Variants in GPHN observed in about 807,000 individuals in gnomAD.
The protein encoded by GPHN is gephyrin.
Under a neutral mutation model 95.5 loss-of-function variants are expected in GPHN, and 17 were observed. The ratio of observed to expected loss-of-function variants is 0.18; its 90% CI spans 0.12 to 0.27. The LOEUF is 0.27. Among genes scored for constraint, GPHN ranks in the 10% least tolerant of loss-of-function variants. The pLI, the probability that GPHN is intolerant of heterozygous loss-of-function variation, is 1.00. For missense variants in GPHN, 660 were observed against 978.1 expected, an observed-to-expected ratio of 0.67 and a Z score of 4.34; for synonymous variants, 320 against 322.5, an observed-to-expected ratio of 0.99 and a Z score of 0.08.
chr14:66,723,680 A>C (rs2070963201), intron 2 of GPHN, among the ~76,000 whole-genome samples: 1 of 152,154 alleles, frequency 6.6e-6, no homozygotes, highest in South Asian at 2.1e-4. Context: ...GAGATAGCAT[A>C]AGTTTGTTTG....
chr14:66,545,374 A>T (rs1282042668), intron 1 of GPHN, among the ~76,000 whole-genome samples: 1 of 98,248 alleles, frequency 1.0e-5, no homozygotes, highest in Non-Finnish European at 2.1e-5. Context: ...GCGACTGGCC[A>T]GGCGGGGGGC....
chr14:66,637,696 A>C (rs2064173292), intron 1 of GPHN, among the ~76,000 whole-genome samples: 1 of 152,146 alleles, frequency 6.6e-6, no homozygotes. Flanking sequence ...GAAAAATCAA[A>C]ATCATGTGTA....
chr14:67,582,130 C>G, the GPHN span: 1 of 1,613,690 alleles, frequency 6.2e-7, no homozygotes, highest in Non-Finnish European at 8.5e-7. This position sits in a 1 kb window ranked among gnomAD's most constrained non-coding sequence, Gnocchi z 5.0. Context: ...CCTTGCCTCT[C>G]AAACCAGTAG....
At chr14:67,328,527 G>A in the GPHN span, among the ~76,000 whole-genome samples, 1 of 152,158 alleles carries the variant, frequency 6.6e-6, no homozygotes, top group African/African-American at 2.4e-5. Flanking sequence ...ATTGCTTTTG[G>A]TGTTTTAGTC....
chr14:66,555,116 T>A (rs191259334), intron 1 of GPHN, among the ~76,000 whole-genome samples: 110 of 151,280 alleles, frequency 7.3e-4, no homozygotes, highest in Admixed American at 9.2e-4. Flanking sequence ...CAGAAAAAAA[T>A]CCCCACAAAA....
chr14:66,929,888 T>C (rs928328087), intron 8 of GPHN, among the ~76,000 whole-genome samples: 25 of 152,102 alleles, frequency 1.6e-4, no homozygotes, highest in Admixed American at 3.9e-4. Context: ...ATTTTTTGTA[T>C]TTTTAGTAGA....
At chr14:66,873,145 A>G (rs113171583) in intron 4 of GPHN, among the ~76,000 whole-genome samples, 2,304 of 152,280 alleles carry the variant, frequency 0.015, 33 homozygotes, top group Non-Finnish European at 0.018. Context: ...AAGCAGGGTG[A>G]GGCATTGCCT....
At chr14:66,787,782 AAG>A (rs2059829104) in intron 3 of GPHN, among the ~76,000 whole-genome samples, 1 of 152,002 alleles carries the variant, frequency 6.6e-6, no homozygotes, top group Admixed American at 6.6e-5. Flanking sequence ...CAAAAAAAAA[AAG>A]AATCTCAGTC....
At chr14:67,478,546 C>A in the GPHN span, among the ~76,000 whole-genome samples, 4 of 152,198 alleles carry the variant, frequency 2.6e-5, no homozygotes, top group African/African-American at 9.7e-5. Flanking sequence ...AAATGCAAAT[C>A]CGATGTTTCT....
chr14:66,702,549 A>G (rs1487772658), intron 2 of GPHN, among the ~76,000 whole-genome samples: 2 of 152,184 alleles, frequency 1.3e-5, no homozygotes, highest in Admixed American at 6.5e-5. Flanking sequence ...CACAGCAGCC[A>G]TATAGAAGAG....
chr14:66,547,217 CT>C (rs1324470864), intron 1 of GPHN, among the ~76,000 whole-genome samples: 1 of 152,090 alleles, frequency 6.6e-6, no homozygotes, highest in Admixed American at 6.5e-5. Flanking sequence ...TAGACTTCAG[CT>C]TTTAATGATC....
chr14:66,889,407 A>G (rs1203563968), intron 5 of GPHN, among the ~76,000 whole-genome samples: 3 of 152,210 alleles, frequency 2.0e-5, no homozygotes, highest in African/African-American at 2.4e-5. Context: ...GCAAAATAGT[A>G]TATTCTTCAA....
chr14:66,740,918 T>G (rs2072743720), intron 2 of GPHN, among the ~76,000 whole-genome samples: 1 of 152,148 alleles, frequency 6.6e-6, no homozygotes. Context: ...ATTTATTTCT[T>G]ACAGTTCTGG....
intron 1 of GPHN, among the ~76,000 whole-genome samples, chr14:66,680,051 T>C (rs2066851228): frequency 6.6e-6 from 1 of 152,230 alleles, no homozygotes; most frequent in Admixed American, 6.5e-5. Context: ...TAAGATCAAG[T>C]GCTAATCACC....
intron 1 of GPHN, among the ~76,000 whole-genome samples, chr14:66,583,467 G>C (rs976038473): frequency 6.6e-6 from 1 of 152,050 alleles, no homozygotes; most frequent in African/African-American, 2.4e-5. Context: ...GCCCATGTCT[G>C]TGTCCTGAAT....
the GPHN span, among the ~76,000 whole-genome samples, chr14:67,248,964 T>C: frequency 6.7e-6 from 1 of 150,064 alleles, no homozygotes; most frequent in East Asian, 2.0e-4. Flanking sequence ...CTGGCCTACA[T>C]ACCAATTTTT....
intron 1 of GPHN, among the ~76,000 whole-genome samples, chr14:66,549,189 G>T (rs1275889016): frequency 6.6e-6 from 1 of 151,780 alleles, no homozygotes; most frequent in Non-Finnish European, 1.5e-5. Context: ...TTAGTTTTGG[G>T]GTACATGTAC....
chr14:67,299,833 G>C, the GPHN span, among the ~76,000 whole-genome samples: 1 of 152,168 alleles, frequency 6.6e-6, no homozygotes, highest in Non-Finnish European at 1.5e-5. Flanking sequence ...TTATTGAGCT[G>C]ACTCAGTGTA....
At chr14:67,539,537 T>G in the GPHN span, among the ~76,000 whole-genome samples, 3 of 152,218 alleles carry the variant, frequency 2.0e-5, no homozygotes, top group Non-Finnish European at 4.4e-5. Flanking sequence ...GAGATTATGG[T>G]GTCAGAATAT....
Sources: allele counts gnomAD v4.1 joint callset (sites outside exome capture counted in the v4.1 genomes callset), GRCh38; gene constraint gnomAD v4.1.1; non-coding constraint Gnocchi (gnomAD v3.1); transcripts MANE v1.5; gene names NCBI Gene and HGNC (gene_info 2026-07-23, HGNC 2026-07-21).